RARG: variants seen among roughly 807,000 people sequenced by gnomAD.
The protein encoded by RARG is retinoic acid receptor gamma.
In RARG, 17 loss-of-function variants were observed where a neutral mutation model predicts 43.7. That is an observed-to-expected ratio of 0.39 (90% CI 0.27 to 0.58). RARG has a LOEUF of 0.58. RARG is among the 20% of genes least tolerant of loss of function. The pLI is 0.57. For missense variants in RARG, 346 were observed against 598.7 expected (o/e 0.58, Z 4.40); for synonymous variants, 238 against 236.4 (o/e 1.01, Z -0.06).
chr12:53,217,374 T>G (rs1356999512), intron 3 of RARG, among the ~76,000 whole-genome samples: 1 of 152,226 alleles, frequency 6.6e-6, no homozygotes, highest in Non-Finnish European at 1.5e-5. Context: ...GCACGTGTTC[T>G]GCCCAAGGCC....
intron 3 of RARG, among the ~76,000 whole-genome samples, chr12:53,221,137 C>G (rs921289534): frequency 1.3e-5 from 2 of 148,822 alleles, no homozygotes; most frequent in African/African-American, 4.9e-5. Context: ...CCGCCCAGGC[C>G]GTCTTCAGCG....
chr12:53,218,921 G>A (rs1158121375), intron 3 of RARG, among the ~76,000 whole-genome samples: 1 of 151,766 alleles, frequency 6.6e-6, no homozygotes, highest in East Asian at 1.9e-4. Flanking sequence ...TCCAGGCTGC[G>A]CTCCTGGCCC....
chr12:53,213,459 CTG>C lies in RARG; in HGVS notation c.1018+35_1018+36del. The C allele has an allele frequency of 6.2e-7, 1 of 1,600,510 alleles. No individual in the cohort carries two copies. The highest frequency in any genetic ancestry group is 8.5e-7 in the Non-Finnish European group (1 of 1,170,580). On this transcript the variant is annotated intron_variant, in intron 8 of 9. Coordinates refer to ENST00000425354, the MANE Select transcript of RARG (RefSeq NM_000966.6). The surrounding 1 kb of genome is among the most constrained non-coding windows in gnomAD (Gnocchi z 4.7). ...CCGCATGGAGTGGTGGGAAAGGAGA[CTG>C]AGCACTGAGCAGACGCCAGGGGGCG...
At chr12:53,222,537 G>A (rs1010192344) in intron 3 of RARG, among the ~76,000 whole-genome samples, 23 of 152,158 alleles carry the variant, frequency 1.5e-4, no homozygotes, top group African/African-American at 4.8e-4. Flanking sequence ...GCCACAGGGA[G>A]GGGGGTTGGG....
chr12:53,216,657 A>G (rs2120638204), intron 3 of RARG, among the ~76,000 whole-genome samples: 1 of 152,252 alleles, frequency 6.6e-6, no homozygotes, highest in African/African-American at 2.4e-5. Context: ...TGGAGAAGTC[A>G]GGTGACAGTA....
chr12:53,220,266 T>A, intron 3 of RARG: 1 of 808,176 alleles, frequency 1.2e-6, no homozygotes, highest in Non-Finnish European at 1.7e-6. Context: ...AGAGGGGGGA[T>A]CCCCAGCAGG....
intron 3 of RARG, chr12:53,220,363 G>A: frequency 3.0e-6 from 3 of 1,004,206 alleles, no homozygotes; most frequent in Non-Finnish European, 3.6e-6. Flanking sequence ...AGCTAGCACT[G>A]GGGAGACCTT....
In RARG at chr12:53,215,631, C is replaced by T. The variant is rs1191903635; in HGVS notation, c.333+15G>A. On this transcript the variant is annotated intron_variant, in intron 4 of 9. Transcript: ENST00000425354. This position sits in a 1 kb window ranked among gnomAD's most constrained non-coding sequence, Gnocchi z 6.4. Reference sequence around the variant, plus strand: ...AACTGGATCCCCCGTCTGCCCACTCCCACCACGTACACACCTTGCAGCCTT... The same window carrying T: ...AACTGGATCCCCCGTCTGCCCACTCTCACCACGTACACACCTTGCAGCCTT... 3.7e-6 allele frequency: 6 copies of T among 1,606,986 alleles called. No individual in the cohort carries two copies. The highest frequency in any genetic ancestry group is 5.1e-6 in the Non-Finnish European group (6 of 1,175,784).
Position 53,231,956 on chromosome 12 carries a change from C to T in RARG, c.-210+18G>A, listed in dbSNP as rs1565733857. ...CCAGGCGACGGGGCGGGCGAGCCTG[C>T]TTCCCCGCCTGACTCACCTGGAGTG... On this transcript the variant is annotated intron_variant, in intron 1 of 9. Coordinates refer to ENST00000425354, the MANE Select transcript of RARG (RefSeq NM_000966.6). The T allele has an allele frequency of 5.0e-6, 2 of 396,054 alleles. No individual in the cohort carries two copies. The highest frequency in any genetic ancestry group is 3.6e-5 in the East Asian group (1 of 27,992). 24.5% of individuals were successfully genotyped at this position (396,054 alleles called of 1,614,324 possible).
Position 53,211,598 on chromosome 12 carries a change from A to C in RARG, c.*78T>G. 7.8e-7 allele frequency: 1 copy of C among 1,285,316 alleles called. No individual in the cohort carries two copies. Among genetic ancestry groups the C allele is most frequent in the Non-Finnish European group, 1.0e-6 (1 of 985,594 alleles). 79.6% of individuals were successfully genotyped at this position (1,285,316 alleles called of 1,614,324 possible). A position where few individuals can be genotyped will look rare whatever the true frequency, so the allele number is the denominator to read the frequency against. ...GAGAGGGCAGAGCAGGTCCTCCCCC[A>C]GTCACTGGCGGTCTGGGAGATGGTC... On this transcript the variant is annotated 3_prime_UTR_variant, in exon 10 of 10. Transcript: ENST00000425354. The surrounding 1 kb of genome is among the most constrained non-coding windows in gnomAD (Gnocchi z 4.6).
At chr12:53,230,194 A>T (rs542341259) in intron 2 of RARG, 1 of 154,162 alleles carries the variant, frequency 6.5e-6, no homozygotes, top group African/African-American at 2.4e-5. Flanking sequence ...AGTAGAGAAC[A>T]TTCTTCCTCT....
chr12:53,228,468 C>G (rs543458116), intron 2 of RARG, among the ~76,000 whole-genome samples: 1 of 152,192 alleles, frequency 6.6e-6, no homozygotes, highest in African/African-American at 2.4e-5. Flanking sequence ...TTATTTTCCT[C>G]CATACTCTGC....
chr12:53,223,515 C>T (rs1425297283), intron 3 of RARG, among the ~76,000 whole-genome samples: 3 of 143,388 alleles, frequency 2.1e-5, no homozygotes, highest in Non-Finnish European at 1.5e-5. Context: ...GCTTGCCCGG[C>T]TCCCCCCGCC....
chr12:53,223,533 C>CCG (rs1380909778), intron 3 of RARG, among the ~76,000 whole-genome samples: 2 of 147,766 alleles, frequency 1.4e-5, no homozygotes, highest in East Asian at 2.0e-4. Flanking sequence ...GCCCCCCCCC[C>CCG]GCCCAAGAGG....
Position 53,213,332 on chromosome 12 carries a change from G to A in RARG, c.1019-89C>T, listed in dbSNP as rs1942662628. ...TGGCTGATCACCAACCGGCGTTTTG[G>A]GAAGCCTGTACAGGGTTTCAGAACT... On this transcript the variant is annotated intron_variant, in intron 8 of 9. Coordinates refer to ENST00000425354, the MANE Select transcript of RARG (RefSeq NM_000966.6). The surrounding 1 kb of genome is among the most constrained non-coding windows in gnomAD (Gnocchi z 4.7). 2.0e-6 allele frequency: 3 copies of A among 1,490,028 alleles called. No individual in the cohort carries two copies. The highest frequency in any genetic ancestry group is 1.8e-5 in the Admixed American group (1 of 55,258). 92.3% of individuals were successfully genotyped at this position (1,490,028 alleles called of 1,614,324 possible).
chr12:53,230,842 TG>T, intron 2 of RARG, among the ~76,000 whole-genome samples: 1 of 109,860 alleles, frequency 9.1e-6, no homozygotes, highest in African/African-American at 3.8e-5. Flanking sequence ...AGTGCGTGTG[TG>T]TGTGTGTGTG....
At chr12:53,220,231 C>G (rs1433887102) in intron 3 of RARG, 5 of 1,049,646 alleles carry the variant, frequency 4.8e-6, no homozygotes, top group Non-Finnish European at 6.6e-6. Flanking sequence ...CGCTGGGCTG[C>G]ATGCGGGTAA....
chr12:53,213,557 C>T lies in RARG; in HGVS notation c.957G>A (p.Leu319=). Residue 319 remains leucine, a synonymous_variant, in exon 8 of 10, where the codon CTG becomes CTA. Coordinates refer to ENST00000425354, the MANE Select transcript of RARG (RefSeq NM_000966.6). This position sits in a 1 kb window ranked among gnomAD's most constrained non-coding sequence, Gnocchi z 4.7. The part of the protein sequence containing the change: ...DLVFAFAGQL[L]PLEMDDTETG... ...TCTCGGTGTCATCCATCTCCAGGGG[C>T]AGGAGCTGCCCAGCAAAGGCAAAGA... 6.2e-7 allele frequency: 1 copy of T among 1,614,080 alleles called. No homozygotes were observed. The highest frequency in any genetic ancestry group is 1.1e-5 in the South Asian group (1 of 91,066).
chr12:53,217,827 C>T (rs968023907), intron 3 of RARG, among the ~76,000 whole-genome samples: 2 of 152,130 alleles, frequency 1.3e-5, no homozygotes, highest in Non-Finnish European at 2.9e-5. Context: ...CCAGGCTGCG[C>T]GGAGCTTCAA....
Sources: gnomAD v4.1 joint callset for allele counts (sites outside exome capture counted in the v4.1 genomes callset) on GRCh38, gnomAD v4.1.1 for gene constraint, Gnocchi (gnomAD v3.1) non-coding constraint, MANE v1.5 for transcripts, NCBI Gene and HGNC (gene_info 2026-07-23, HGNC 2026-07-21) for gene names.